The following FRMPD4 variants were observed in gnomAD, a reference collection of about 807,000 sequenced individuals.
The protein encoded by FRMPD4 is FERM and PDZ domain-containing protein 4.
In FRMPD4, 22 loss-of-function variants were observed where a neutral mutation model predicts 94.1. That is an observed-to-expected ratio of 0.23 (90% CI 0.17 to 0.33). FRMPD4 has a LOEUF of 0.33. FRMPD4 is among the 10% of genes least tolerant of loss of function. The probability of loss-of-function intolerance (pLI) is 1.00; values close to 1 mark genes in which losing one functional copy is unlikely to be tolerated. For synonymous variants in FRMPD4, 631 were observed against 548.6 expected, an observed-to-expected ratio of 1.15 and a Z score of -2.10; for missense variants, 1,111 against 1,339.9, an observed-to-expected ratio of 0.83 and a Z score of 2.67.
intron 3 of FRMPD4, among the ~76,000 whole-genome samples, chrX:11,901,136 G>A (rs1379666965): frequency 9.0e-6 from 1 of 111,727 alleles, no homozygotes; most frequent in Non-Finnish European, 1.9e-5. Context: ...GGGGGTACAG[G>A]TGGTTTTTTG....
chrX:11,941,567 G>A (rs1891663702), intron 3 of FRMPD4, among the ~76,000 whole-genome samples: 1 of 111,856 alleles, frequency 8.9e-6, no homozygotes. Flanking sequence ...ATATACAGTG[G>A]CTTATTCTAA....
At chrX:11,879,635 G>GATT (rs1197364698) in intron 3 of FRMPD4, among the ~76,000 whole-genome samples, 1 of 110,777 alleles carries the variant, frequency 9.0e-6, no homozygotes, top group African/African-American at 3.3e-5. Flanking sequence ...ATAGTCATTA[G>GATT]ATTATCCAGG....
At chrX:11,922,558 G>A (rs919665529) in intron 3 of FRMPD4, among the ~76,000 whole-genome samples, 2 of 111,860 alleles carry the variant, frequency 1.8e-5, no homozygotes, top group African/African-American at 6.5e-5. Flanking sequence ...CACACACTGG[G>A]GCTTATATTG....
intron 1 of FRMPD4, among the ~76,000 whole-genome samples, chrX:12,331,394 T>C (rs1174115075): frequency 9.5e-6 from 1 of 104,934 alleles, no homozygotes; most frequent in Non-Finnish European, 1.9e-5. Flanking sequence ...GTTATATTTG[T>C]TCTAGGTGGA....
chrX:12,477,218 C>CA (rs766399739), intron 1 of FRMPD4, among the ~76,000 whole-genome samples: 20 of 111,269 alleles, frequency 1.8e-4, no homozygotes, highest in Non-Finnish European at 3.8e-4. Context: ...AAAAACCAAA[C>CA]ACCACATGTT....
chrX:11,888,373 A>G (rs1466893579), intron 3 of FRMPD4, among the ~76,000 whole-genome samples: 3 of 112,142 alleles, frequency 2.7e-5, no homozygotes, highest in Admixed American at 1.9e-4. Flanking sequence ...TTTCTATAGC[A>G]TATATTTTAC....
At chrX:12,233,565 C>T (rs1162373394) in intron 1 of FRMPD4, among the ~76,000 whole-genome samples, 1 of 111,745 alleles carries the variant, frequency 8.9e-6, no homozygotes, top group Non-Finnish European at 1.9e-5. Context: ...AAAGCATTGA[C>T]TAAACCTGCT....
At chrX:11,911,118 A>G (rs2053994826) in intron 3 of FRMPD4, among the ~76,000 whole-genome samples, 1 of 112,389 alleles carries the variant, frequency 8.9e-6, no homozygotes, top group African/African-American at 3.2e-5. Context: ...CTCTGCTGTT[A>G]TAGTGCAAAA....
intron 3 of FRMPD4, among the ~76,000 whole-genome samples, chrX:12,040,125 T>C (rs1246817436): frequency 1.8e-5 from 2 of 111,416 alleles, no homozygotes; most frequent in African/African-American, 3.3e-5. Context: ...CTATAAGTTA[T>C]TGAGAGTACT....
chrX:12,173,992 C>G (rs1413111235), intron 1 of FRMPD4, among the ~76,000 whole-genome samples: 1 of 111,584 alleles, frequency 9.0e-6, no homozygotes, highest in East Asian at 2.8e-4. Context: ...AGGGGCTCTT[C>G]CAGGGGCTGC....
chrX:12,424,581 G>A (rs1410921227), intron 1 of FRMPD4, among the ~76,000 whole-genome samples: 1 of 111,955 alleles, frequency 8.9e-6, no homozygotes, highest in East Asian at 2.8e-4. Flanking sequence ...CAGATAGATC[G>A]AGGGTGGGAC....
At chrX:12,449,743 TTCGGGAGAC>T (rs1881399694) in intron 1 of FRMPD4, among the ~76,000 whole-genome samples, 1 of 111,530 alleles carries the variant, frequency 9.0e-6, no homozygotes, top group African/African-American at 3.3e-5. Flanking sequence ...ATTACAGCAC[TTCGGGAGAC>T]CAAGGTGGGA....
At chrX:12,486,658 T>C (rs1455758990) in intron 1 of FRMPD4, among the ~76,000 whole-genome samples, 2 of 112,752 alleles carry the variant, frequency 1.8e-5, no homozygotes, top group South Asian at 3.6e-4. Flanking sequence ...TTCCATGATA[T>C]AGAAATATTG....
At chrX:12,473,833 CA>C (rs1416186362) in intron 1 of FRMPD4, among the ~76,000 whole-genome samples, 1 of 109,977 alleles carries the variant, frequency 9.1e-6, no homozygotes, top group Non-Finnish European at 1.9e-5. Flanking sequence ...TAGAGACCTA[CA>C]AAGAGACTTA....
intron 4 of FRMPD4, among the ~76,000 whole-genome samples, chrX:12,657,712 G>T (rs191641224): frequency 1.5e-3 from 166 of 111,895 alleles, no homozygotes; most frequent in African/African-American, 5.2e-3. Flanking sequence ...TACACTCAAG[G>T]CATGTACTTT....
chrX:12,610,909 C>T lies in FRMPD4; in HGVS notation c.319+1028C>T, dbSNP rs900991217. The stretch of plus-strand genomic sequence containing the variant: ...GCTAAGCCTAGCTGAAATCAGCCAG[C>T]CTGTGGTTATCCTAAAGACCCATAA... On this transcript the variant is annotated intron_variant, in intron 3 of 16. Transcript: ENST00000675598. 5.4e-5 allele frequency among the ~76,000 whole-genome samples: 6 copies of T among 111,658 alleles called. No homozygotes were observed. The East Asian group carries it at 1.7e-3, about 31-fold the overall frequency.
At chrX:11,828,242 C>T (rs1215359437) in intron 1 of FRMPD4, among the ~76,000 whole-genome samples, 2 of 111,874 alleles carry the variant, frequency 1.8e-5, no homozygotes, top group Non-Finnish European at 3.8e-5. Context: ...CAGGTTTCAA[C>T]TAGTACAAAA....
intron 3 of FRMPD4, among the ~76,000 whole-genome samples, chrX:12,060,272 T>G (rs1412314791): frequency 5.5e-5 from 6 of 109,532 alleles, no homozygotes; most frequent in East Asian, 2.8e-4. Flanking sequence ...AACTGGTTTT[T>G]TTTTTTTTTT....
At chrX:12,375,461 C>T (rs776088495) in intron 1 of FRMPD4, among the ~76,000 whole-genome samples, 3 of 111,952 alleles carry the variant, frequency 2.7e-5, no homozygotes, top group African/African-American at 9.8e-5. Context: ...GACTGAGGTC[C>T]TGATACTCTT....
Sources: allele counts gnomAD v4.1 joint callset (sites outside exome capture counted in the v4.1 genomes callset), GRCh38; gene constraint gnomAD v4.1.1; transcripts MANE v1.5; gene names NCBI Gene and HGNC (gene_info 2026-07-23, HGNC 2026-07-21).